The following R3HDM1 variants were observed in gnomAD, a reference collection of about 807,000 sequenced individuals.
R3HDM1 encodes the protein R3H domain-containing protein 1.
In R3HDM1, 46 loss-of-function variants were observed where a neutral mutation model predicts 141.1. The ratio of observed to expected loss-of-function variants is 0.33; its 90% CI spans 0.26 to 0.42. The LOEUF is 0.42. Ranked by LOEUF, R3HDM1 falls within the 10% of genes least tolerant of loss-of-function variation. The probability of loss-of-function intolerance (pLI) is 1.00; values close to 1 mark genes in which losing one functional copy is unlikely to be tolerated. For synonymous variants in R3HDM1, 435 were observed against 472.9 expected (o/e 0.92, Z 1.04); for missense variants, 1,184 against 1,368.3 (o/e 0.87, Z 2.12).
intron 24 of R3HDM1, among the ~76,000 whole-genome samples, chr2:135,720,339 C>G (rs1279155613): frequency 6.6e-6 from 1 of 152,212 alleles, no homozygotes; most frequent in Non-Finnish European, 1.5e-5. Context: ...GAAGTCCACA[C>G]CTTGCTGCTT....
intron 24 of R3HDM1, among the ~76,000 whole-genome samples, chr2:135,717,295 C>T (rs56331346): frequency 0.046 from 6,959 of 152,056 alleles, 548 homozygotes; most frequent in African/African-American, 0.16. Context: ...ACCAACCTGG[C>T]CAACATAGTG....
At chr2:135,694,296 G>C (rs1477071496) in intron 21 of R3HDM1, among the ~76,000 whole-genome samples, 1 of 152,164 alleles carries the variant, frequency 6.6e-6, no homozygotes, top group Admixed American at 6.5e-5. Context: ...AGGTAGAAGA[G>C]GTATGTGTTG....
chr2:135,531,924 C>T (rs1363027456), intron 1 of R3HDM1, among the ~76,000 whole-genome samples: 1 of 152,206 alleles, frequency 6.6e-6, no homozygotes, highest in Non-Finnish European at 1.5e-5. Context: ...CCCACCGCCC[C>T]CACCCGGGGG....
At position 135,661,358 on chromosome 2, in the gene R3HDM1, T is replaced by A. The variant is rs754446063; in HGVS notation, c.2117T>A (p.Leu706Gln). ...PVPSVHYNSH[L>Q]NQPLPQPAQQ... ...CCTTCTGTTCATTACAATTCACATC[T>A]AAACCAACCACTGCCACAACCTGCG... Residue 706 changes from leucine to glutamine, a missense_variant, in exon 19 of 27, where the codon CTA becomes CAA. Transcript: ENST00000683871. 12 of 1,614,020 alleles carry A rather than the reference T, an allele frequency of 7.4e-6. No homozygotes were observed. The South Asian group carries it at 1.3e-4, about 18-fold the overall frequency.
intron 2 of R3HDM1, among the ~76,000 whole-genome samples, chr2:135,603,854 A>G (rs2059825783): frequency 6.6e-6 from 1 of 152,122 alleles, no homozygotes; most frequent in Non-Finnish European, 1.5e-5. Flanking sequence ...CAATCCGCCC[A>G]CCTTGGCCTC....
intron 3 of R3HDM1, among the ~76,000 whole-genome samples, chr2:135,615,476 G>A (rs540707834): frequency 2.0e-5 from 3 of 152,170 alleles, no homozygotes; most frequent in Non-Finnish European, 4.4e-5. Flanking sequence ...ACCAAAGCTT[G>A]TATCACAAAC....
At chr2:135,682,328 A>G (rs1574983072) in intron 21 of R3HDM1, among the ~76,000 whole-genome samples, 1 of 152,162 alleles carries the variant, frequency 6.6e-6, no homozygotes, top group African/African-American at 2.4e-5. Context: ...GCCTATAAGA[A>G]CCTATGTAAG....
chr2:135,712,732 T>C (rs924635660), intron 23 of R3HDM1, among the ~76,000 whole-genome samples: 6 of 150,348 alleles, frequency 4.0e-5, no homozygotes, highest in African/African-American at 1.5e-4. Flanking sequence ...CCATCCTGGT[T>C]AACATGGTGA....
At position 135,636,182 on chromosome 2, in the gene R3HDM1, A is replaced by C; in HGVS notation, c.902A>C (p.Asp301Ala). 6.2e-7 allele frequency: 1 copy of C among 1,612,114 alleles called. No individual in the cohort carries two copies. The highest frequency in any genetic ancestry group is 1.3e-5 in the African/African-American group (1 of 74,946). The change falls in exon 11 of 27, where the codon GAT becomes GCT. Residue 301 changes from aspartate (D) to alanine (A), a missense_variant and splice_region_variant. Asp to Ala is a moderately radical substitution (Grantham distance 126). This residue lies in a region of R3HDM1 where 240 missense variants were observed against 312.3 expected (regional missense o/e 0.77). Coordinates refer to ENST00000683871, the MANE Select transcript of R3HDM1 (RefSeq NM_001378107.1). ...QRARDRIFSQ[D>A]SLCSQENYII... ...GCCAGAGACCGAATATTTTCCCAAG[A>C]TGTACGTACTAACTTACTTAGGTCT...
chr2:135,710,303 G>T, intron 23 of R3HDM1, 72 bp downstream of exon 23: 1 of 1,457,972 alleles, frequency 6.9e-7, no homozygotes. Context: ...TATAAGGCTT[G>T]AATTTGAAAT....
At chr2:135,545,193 G>T (rs952581001) in intron 1 of R3HDM1, among the ~76,000 whole-genome samples, 1 of 152,170 alleles carries the variant, frequency 6.6e-6, no homozygotes. Context: ...GGACGTTATG[G>T]ATTCACTCAG....
intron 1 of R3HDM1, among the ~76,000 whole-genome samples, chr2:135,545,528 A>G (rs548230428): frequency 1.3e-5 from 2 of 152,366 alleles, no homozygotes; most frequent in African/African-American, 4.8e-5. Flanking sequence ...GATGGAAGGA[A>G]CAGAAAGTAC....
intron 21 of R3HDM1, among the ~76,000 whole-genome samples, chr2:135,698,109 G>T (rs1334329761): frequency 2.0e-5 from 3 of 148,600 alleles, no homozygotes; most frequent in African/African-American, 7.4e-5. Context: ...AGGGGGTTTT[G>T]ATGTTAGAGG....
intron 9 of R3HDM1, 145 bp downstream of exon 9, chr2:135,632,146 C>G: frequency 2.9e-6 from 2 of 698,300 alleles, no homozygotes; most frequent in Non-Finnish European, 4.1e-6. Flanking sequence ...GACTGAAAAA[C>G]ACATTTAGTT....
chr2:135,697,917 G>C (rs886373726), intron 21 of R3HDM1, among the ~76,000 whole-genome samples: 3 of 151,808 alleles, frequency 2.0e-5, no homozygotes, highest in African/African-American at 7.3e-5. Flanking sequence ...ACCAGGCATG[G>C]TGGTGCATGC....
At chr2:135,705,432 G>A (rs1322092053) in intron 21 of R3HDM1, among the ~76,000 whole-genome samples, 1 of 152,126 alleles carries the variant, frequency 6.6e-6, no homozygotes, top group Non-Finnish European at 1.5e-5. Flanking sequence ...GCAATGTACT[G>A]TCACTTGAAT....
intron 2 of R3HDM1, among the ~76,000 whole-genome samples, chr2:135,603,215 C>G (rs761220568): frequency 6.6e-6 from 1 of 152,160 alleles, no homozygotes; most frequent in Admixed American, 6.6e-5. Context: ...GTCTCAAACT[C>G]TTGGCCTCAA....
At chr2:135,698,902 C>T (rs944040086) in intron 21 of R3HDM1, among the ~76,000 whole-genome samples, 14 of 152,044 alleles carry the variant, frequency 9.2e-5, no homozygotes, top group African/African-American at 2.4e-4. Flanking sequence ...CACCTCCCAG[C>T]AGGCCCCACC....
chr2:135,653,309 T>C (rs1042520922), intron 18 of R3HDM1, among the ~76,000 whole-genome samples: 3 of 152,148 alleles, frequency 2.0e-5, no homozygotes, highest in African/African-American at 7.2e-5. Flanking sequence ...TGAGCTGAGA[T>C]TGAGCCACTG....
Sources: gnomAD v4.1 joint callset for allele counts (sites outside exome capture counted in the v4.1 genomes callset) on GRCh38, gnomAD v4.1.1 for gene constraint, gnomAD v4.1.1 regional missense constraint, MANE v1.5 for transcripts, NCBI Gene and HGNC (gene_info 2026-07-23, HGNC 2026-07-21) for gene names.